GRID2: variants seen among roughly 807,000 people sequenced by gnomAD.
GRID2 encodes the protein glutamate receptor ionotropic, delta-2.
In GRID2, 33 loss-of-function variants were observed where a neutral mutation model predicts 114.8. The observed-to-expected ratio is 0.29, with a 90% CI of 0.22 to 0.38. GRID2 has a LOEUF of 0.38. Ranked by LOEUF, GRID2 falls within the 10% of genes least tolerant of loss-of-function variation. The pLI, the probability that GRID2 is intolerant of heterozygous loss-of-function variation, is 1.00. For synonymous variants in GRID2, 505 were observed against 449.9 expected, an observed-to-expected ratio of 1.12 and a Z score of -1.55; for missense variants, 1,184 against 1,257.7, an observed-to-expected ratio of 0.94 and a Z score of 0.89.
In GRID2 at chr4:93,325,049, C is replaced by T. The variant is rs561955932; in HGVS notation, c.1246-70558C>T. Among the ~76,000 whole-genome samples, 1,009 of 150,646 alleles carry T rather than the reference C, an allele frequency of 6.7e-3. 7 individuals are homozygous for T. The highest frequency in any genetic ancestry group is 0.011 in the Admixed American group (170 of 14,978). Reference sequence around the variant, plus strand: ...GTCTCTATCTCCTTCAGTTCTGCTCCGATCTTAGTTATTTCTTGCCTTCTG... The same window carrying T: ...GTCTCTATCTCCTTCAGTTCTGCTCTGATCTTAGTTATTTCTTGCCTTCTG... On this transcript the variant is annotated intron_variant, in intron 8 of 15. Coordinates refer to ENST00000282020, the MANE Select transcript of GRID2 (RefSeq NM_001510.4).
chr4:92,721,741 T>G (rs1050766971), intron 2 of GRID2, among the ~76,000 whole-genome samples: 1 of 152,118 alleles, frequency 6.6e-6, no homozygotes, highest in African/African-American at 2.4e-5. Context: ...TAAAATAAAC[T>G]CTTAGAAATT....
At chr4:93,713,428 AATTTATTT>A (rs61147386) in intron 14 of GRID2, among the ~76,000 whole-genome samples, 91 of 150,346 alleles carry the variant, frequency 6.1e-4, no homozygotes, top group Admixed American at 4.6e-3. Context: ...TTAAATGTGG[AATTTATTT>A]ATTTATTTAT....
At chr4:92,565,540 G>GCTAT (rs908640766) in intron 1 of GRID2, among the ~76,000 whole-genome samples, 24 of 151,906 alleles carry the variant, frequency 1.6e-4, no homozygotes, top group African/African-American at 5.1e-4. Context: ...CTATTATACT[G>GCTAT]CTATCTATCT....
intron 2 of GRID2, among the ~76,000 whole-genome samples, chr4:93,075,883 C>CTTTTTTTTTTTTTTTTT (rs10706922): frequency 1.3e-5 from 1 of 76,606 alleles, no homozygotes; most frequent in African/African-American, 5.3e-5. Flanking sequence ...AGTTACCTCT[C>CTTTTTTTTTTTTTTTTT]TTTTTTTTTT....
chr4:93,374,476 G>T lies in GRID2; in HGVS notation c.1246-21131G>T, dbSNP rs987015793. On this transcript the variant is annotated intron_variant, in intron 8 of 15. Transcript: ENST00000282020. ...TATTCTAAACTATAGGGATGGAAGTGCAGCCAGGTCAATACTTATTTGGTT... is the reference window on the plus strand; with the variant it reads ...TATTCTAAACTATAGGGATGGAAGTTCAGCCAGGTCAATACTTATTTGGTT... Among the ~76,000 whole-genome samples the T allele has an allele frequency of 3.4e-4, 51 of 152,154 alleles. 1 individual carries two copies. Among genetic ancestry groups the T allele is most frequent in the African/African-American group, 1.2e-3 (51 of 41,446 alleles).
intron 2 of GRID2, among the ~76,000 whole-genome samples, chr4:92,661,778 CAAT>C (rs1732532686): frequency 6.6e-6 from 1 of 150,812 alleles, no homozygotes; most frequent in South Asian, 2.1e-4. Context: ...GGAAATTACA[CAAT>C]AAATTGTGTC....
chr4:92,896,046 C>T (rs1021466725), intron 2 of GRID2, among the ~76,000 whole-genome samples: 5 of 152,076 alleles, frequency 3.3e-5, no homozygotes, highest in African/African-American at 1.2e-4. Context: ...TCTAAAAATG[C>T]ACTAAAAGCA....
intron 8 of GRID2, among the ~76,000 whole-genome samples, chr4:93,261,014 A>G (rs984709775): frequency 2.0e-5 from 3 of 151,812 alleles, no homozygotes; most frequent in African/African-American, 7.2e-5. Context: ...AATAATCAGT[A>G]GTAGAATGGG....
At chr4:93,795,660 G>A (rs1734781810) in intron 1 of GRID2, among the ~76,000 whole-genome samples, 1 of 152,082 alleles carries the variant, frequency 6.6e-6, no homozygotes. Context: ...AAACAGGTGA[G>A]CAAGTATAGG....
chr4:92,374,854 A>C (rs2110225239), intron 1 of GRID2, among the ~76,000 whole-genome samples: 1 of 152,308 alleles, frequency 6.6e-6, no homozygotes, highest in East Asian at 1.9e-4. Flanking sequence ...AATATAAAGT[A>C]GAAATAAGGA....
exon 2 of GRID2, chr4:93,809,950 C>G (rs779824504): frequency 6.6e-6 from 1 of 152,276 alleles, no homozygotes; most frequent in Non-Finnish European, 1.5e-5. Context: ...AAGGATCCAG[C>G]AAAGAGCAGG....
At chr4:93,628,222 C>T (rs1311917316) in intron 14 of GRID2, among the ~76,000 whole-genome samples, 1 of 151,938 alleles carries the variant, frequency 6.6e-6, no homozygotes, top group East Asian at 1.9e-4. Context: ...GAACAAACTA[C>T]AAAAATCAAT....
chr4:92,964,332 T>A (rs1407354244), intron 2 of GRID2, among the ~76,000 whole-genome samples: 2 of 151,848 alleles, frequency 1.3e-5, no homozygotes, highest in East Asian at 3.9e-4. Context: ...TAAAAATATG[T>A]TGTTTAAATG....
At chr4:93,256,856 AT>A (rs2149540882) in intron 8 of GRID2, among the ~76,000 whole-genome samples, 1 of 152,072 alleles carries the variant, frequency 6.6e-6, no homozygotes, top group Non-Finnish European at 1.5e-5. Flanking sequence ...ATACAAAACA[AT>A]TTGAAACTGC....
At chr4:93,595,611 T>C (rs1739003225) in intron 13 of GRID2, among the ~76,000 whole-genome samples, 1 of 152,224 alleles carries the variant, frequency 6.6e-6, no homozygotes, top group African/African-American at 2.4e-5. Context: ...TTCTCTACCA[T>C]TGTCACTCTC....
intron 2 of GRID2, among the ~76,000 whole-genome samples, chr4:93,076,778 C>T (rs1233799536): frequency 2.4e-4 from 36 of 151,722 alleles, no homozygotes; most frequent in South Asian, 2.1e-4. Flanking sequence ...CTACCATTCC[C>T]GGCTAATTTT....
At chr4:93,129,402 C>T (rs1376494928) in intron 4 of GRID2, among the ~76,000 whole-genome samples, 1 of 151,992 alleles carries the variant, frequency 6.6e-6, no homozygotes, top group Non-Finnish European at 1.5e-5. Flanking sequence ...ACTAATAGTG[C>T]AGGATCCCCC....
chr4:93,018,602 A>G (rs749777483), intron 2 of GRID2, among the ~76,000 whole-genome samples: 3 of 152,178 alleles, frequency 2.0e-5, no homozygotes. Flanking sequence ...AAATAGCACA[A>G]TTCACCAGGT....
At chr4:93,069,242 AATTATAT>A (rs1274360392) in intron 2 of GRID2, among the ~76,000 whole-genome samples, 4 of 147,692 alleles carry the variant, frequency 2.7e-5, no homozygotes, top group Admixed American at 6.8e-5. Context: ...ATTAATATAT[AATTATAT>A]ATTATATATG....
Sources: gnomAD v4.1 joint callset for allele counts (sites outside exome capture counted in the v4.1 genomes callset) on GRCh38, gnomAD v4.1.1 for gene constraint, MANE v1.5 for transcripts, NCBI Gene and HGNC (gene_info 2026-07-23, HGNC 2026-07-21) for gene names.